Variants in SECISBP2L observed in about 807,000 individuals in gnomAD.
The protein encoded by SECISBP2L is selenocysteine insertion sequence-binding protein 2-like.
Under a neutral mutation model 114.7 loss-of-function variants are expected in SECISBP2L, and 43 were observed. The ratio of observed to expected loss-of-function variants is 0.38; its 90% CI spans 0.29 to 0.48. The LOEUF (loss-of-function observed/expected upper bound fraction) is 0.48, where lower values mean the gene tolerates loss of function less well. Ranked by LOEUF, SECISBP2L falls within the 20% of genes least tolerant of loss-of-function variation. SECISBP2L has a pLI of 0.98. For synonymous variants in SECISBP2L, 451 were observed against 439.7 expected, an observed-to-expected ratio of 1.03 and a Z score of -0.32; for missense variants, 1,136 against 1,301.1, an observed-to-expected ratio of 0.87 and a Z score of 1.95.
chr15:49,010,124 G>GACAGACACACACACAC (rs1555385793), intron 13 of SECISBP2L, among the ~76,000 whole-genome samples: 1 of 138,748 alleles, frequency 7.2e-6, no homozygotes, highest in Admixed American at 7.1e-5. Context: ...AACAGAGGCA[G>GACAGACACACACACAC]ACACACACAC....
chr15:49,017,321 A>T lies in SECISBP2L; in HGVS notation c.1251+227T>A, dbSNP rs558884494. Among the ~76,000 whole-genome samples, 194 of 152,320 alleles carry T rather than the reference A, an allele frequency of 1.3e-3. 5 individuals carry two copies. The South Asian group carries it at 0.04, about 31-fold the overall frequency. On this transcript the variant is annotated intron_variant, in intron 9 of 17. Coordinates refer to ENST00000559471, the MANE Select transcript of SECISBP2L (RefSeq NM_001193489.2). ...AGTACAGACTGTATGTTGTATGATG[A>T]TATCATTTAGTTAATGGTATTTTAG...
In SECISBP2L at chr15:49,000,282, T is replaced by G. The variant is rs150697240; in HGVS notation, c.2249-295A>C. On this transcript the variant is annotated intron_variant, in intron 15 of 17. Transcript: ENST00000559471. ...CAACAAATATTTATAATAAAGAAATTAATTAAAATTGTCAATAGTGGCTGA... is the reference window on the plus strand; with the variant it reads ...CAACAAATATTTATAATAAAGAAATGAATTAAAATTGTCAATAGTGGCTGA... Among the ~76,000 whole-genome samples the G allele has an allele frequency of 6.1e-4, 93 of 152,336 alleles. No individual in the cohort carries two copies. In the East Asian group the frequency reaches 0.017, roughly 27 times the overall value.
At position 49,017,532 on chromosome 15, in the gene SECISBP2L, T is replaced by C; in HGVS notation, c.1251+16A>G. 3 of 1,518,186 alleles carry C rather than the reference T, an allele frequency of 2.0e-6. No individual in the cohort carries two copies. The highest frequency in any genetic ancestry group is 2.7e-6 in the Non-Finnish European group (3 of 1,104,752). The allele number at this position is 1,518,186 out of a possible 1,614,324, so 94.0% of individuals were successfully genotyped here. On this transcript the variant is annotated intron_variant, in intron 9 of 17. Transcript: ENST00000559471. ...AAGATGTTATATTTTGCTTTTCTTT[T>C]TAAAGAGTTACTTACTACTTTAGAA...
In SECISBP2L at chr15:49,035,575, A is replaced by T. The variant is rs1314537572; in HGVS notation, c.287T>A (p.Ile96Lys). 7 of 1,614,122 alleles carry T rather than the reference A, an allele frequency of 4.3e-6. No individual in the cohort carries two copies. The highest frequency in any genetic ancestry group is 5.9e-6 in the Non-Finnish European group (7 of 1,180,042). ...PTGPYFAYPI[I>K]SAQPPVSTEY... is the part of the protein sequence containing the mutation. ...TGTAGAAACAGGCGGCTGAGCAGAT[A>T]TAATGGGATAGGCAAAGTATGGTCC... is the stretch of plus-strand genomic sequence containing the variant. Residue 96 changes from isoleucine (I) to lysine (K), a missense_variant, in exon 3 of 18, where the codon ATA becomes AAA. Around this residue, in one of 2 missense-constraint regions of SECISBP2L, gnomAD observed 452 missense variants for 452.3 expected, o/e 1.00. Coordinates refer to ENST00000559471, the MANE Select transcript of SECISBP2L (RefSeq NM_001193489.2).
At chr15:49,019,056 G>T (rs1211262203) in intron 8 of SECISBP2L, among the ~76,000 whole-genome samples, 6 of 152,074 alleles carry the variant, frequency 3.9e-5, no homozygotes, top group Non-Finnish European at 2.9e-5. Context: ...AACTTAACTA[G>T]ACTGAACTAC....
intron 12 of SECISBP2L, among the ~76,000 whole-genome samples, chr15:49,012,272 T>C (rs1260107491): frequency 6.6e-6 from 1 of 152,232 alleles, no homozygotes; most frequent in East Asian, 1.9e-4. Flanking sequence ...AAATCAAATA[T>C]GCTCCCCAAT....
Position 48,991,514 on chromosome 15 carries a change from T to C in SECISBP2L, c.*730A>G, listed in dbSNP as rs896213199. On this transcript the variant is annotated 3_prime_UTR_variant, in exon 18 of 18. Coordinates refer to ENST00000559471, the MANE Select transcript of SECISBP2L (RefSeq NM_001193489.2). ...TCTATGTACAAGAGCATTCCTGAGG[T>C]AAGTAAGAAGCAAATATGAGACAGA... 2.0e-5 allele frequency: 3 copies of C among 152,646 alleles called. No homozygotes were observed. Among genetic ancestry groups the C allele is most frequent in the Non-Finnish European group, 4.4e-5 (3 of 68,042 alleles). The allele number at this position is 152,646 out of a possible 1,614,324, so 9.5% of individuals were successfully genotyped here.
chr15:49,046,296 C>T lies in SECISBP2L; in HGVS notation c.4G>A (p.Asp2Asn). 1 of 1,553,962 alleles carries T rather than the reference C, an allele frequency of 6.4e-7. No individual in the cohort carries two copies. Among genetic ancestry groups the T allele is most frequent in the East Asian group, 2.5e-5 (1 of 40,122 alleles). Residue 2 changes from aspartate (D) to asparagine (N), a missense_variant, in exon 1 of 18, where the codon GAC (aspartate) becomes AAC (asparagine). Asp to Asn is a conservative substitution (Grantham distance 23). Around this residue, in one of 2 missense-constraint regions of SECISBP2L, gnomAD observed 452 missense variants for 452.3 expected, o/e 1.00. Transcript: ENST00000559471. ...CGTACCTGCTCCGTGGGGGCTCGGT[C>T]CATGGTGCCTGCAGCCGCAACGGGC... M[D>N]RAPTEQNVKL...
chr15:48,996,896 G>C (rs1348355185), intron 16 of SECISBP2L, among the ~76,000 whole-genome samples: 1 of 152,172 alleles, frequency 6.6e-6, no homozygotes, highest in Admixed American at 6.5e-5. Flanking sequence ...ACTACAGAGG[G>C]TACAAAGATG....
intron 15 of SECISBP2L, among the ~76,000 whole-genome samples, chr15:49,000,587 G>A (rs1902180896): frequency 6.6e-6 from 1 of 152,192 alleles, no homozygotes; most frequent in South Asian, 2.1e-4. Context: ...GAATATATTT[G>A]CCGAAGAAAT....
At chr15:49,033,659 A>AC (rs1201123690) in intron 3 of SECISBP2L, among the ~76,000 whole-genome samples, 1 of 151,986 alleles carries the variant, frequency 6.6e-6, no homozygotes, top group East Asian at 1.9e-4. Flanking sequence ...CAACACAGAG[A>AC]CCCCCAATCG....
Position 49,027,479 on chromosome 15 carries a change from A to T in SECISBP2L, c.921T>A (p.Gly307=). ...MNHVESSMCA[G]GVNWSNVTCQ... ...AAGTTACATTGGACCAATTTACACC[A>T]CCTATAACAAATGAAATTTTAAATT... is the stretch of plus-strand genomic sequence containing the variant. Residue 307 remains glycine, a splice_region_variant and synonymous_variant, in exon 7 of 18, where the codon GGT becomes GGA. Transcript: ENST00000559471. The T allele has an allele frequency of 1.3e-6, 2 of 1,526,352 alleles. No homozygotes were observed. The highest frequency in any genetic ancestry group is 1.8e-6 in the Non-Finnish European group (2 of 1,121,994). 94.6% of individuals were successfully genotyped at this position (1,526,352 alleles called of 1,614,324 possible). A position where few individuals can be genotyped will look rare whatever the true frequency, so the allele number is the denominator to read the frequency against.
chr15:48,999,642 A>G (rs1016474195), intron 16 of SECISBP2L, among the ~76,000 whole-genome samples, 191 bp downstream of exon 16: 1 of 152,254 alleles, frequency 6.6e-6, no homozygotes, highest in African/African-American at 2.4e-5. Flanking sequence ...ATGCTTTAGG[A>G]TTAATCTACA....
At chr15:49,035,733 T>G in intron 2 of SECISBP2L, 75 bp from the exon 3 acceptor site, 2 of 1,339,244 alleles carry the variant, frequency 1.5e-6, no homozygotes, top group East Asian at 2.3e-5. Context: ...TCTCTTAACT[T>G]ACACTAATAA....
At chr15:49,034,669 G>GTTTTGTT (rs566718009) in intron 3 of SECISBP2L, among the ~76,000 whole-genome samples, 6 of 132,136 alleles carry the variant, frequency 4.5e-5, no homozygotes, top group African/African-American at 1.7e-4. Context: ...TATATCTTTT[G>GTTTTGTT]TTTTTTTTTT....
intron 14 of SECISBP2L, among the ~76,000 whole-genome samples, chr15:49,008,639 A>G (rs192131739): frequency 1.3e-5 from 2 of 152,334 alleles, no homozygotes; most frequent in Admixed American, 1.3e-4. Flanking sequence ...GGATTCTTTC[A>G]TATGTCATTT....
At chr15:49,011,705 AAG>A in intron 13 of SECISBP2L, 24 bp downstream of exon 13, 1 of 1,612,756 alleles carries the variant, frequency 6.2e-7, no homozygotes, top group East Asian at 2.2e-5. Flanking sequence ...ATTCCATGAG[AAG>A]AGGAGAAAGG....
At chr15:49,016,497 TTAACAACATC>T (rs1157735476) in intron 11 of SECISBP2L, 53 bp downstream of exon 11, 2 of 1,505,868 alleles carry the variant, frequency 1.3e-6, no homozygotes, top group African/African-American at 2.8e-5. Flanking sequence ...AAAATTTCGA[TTAACAACATC>T]TAACATATAT....
chr15:49,029,813 C>T (rs983961934), intron 4 of SECISBP2L, among the ~76,000 whole-genome samples: 3 of 152,150 alleles, frequency 2.0e-5, no homozygotes, highest in Non-Finnish European at 4.4e-5. Flanking sequence ...ACATTATCAT[C>T]CAGACTGTAC....
Sources: allele counts gnomAD v4.1 joint callset (sites outside exome capture counted in the v4.1 genomes callset), GRCh38; gene constraint gnomAD v4.1.1; regional missense constraint gnomAD v4.1.1; transcripts MANE v1.5; gene names NCBI Gene and HGNC (gene_info 2026-07-23, HGNC 2026-07-21).